COL14A1: variants seen among roughly 807,000 people sequenced by gnomAD.
The protein encoded by COL14A1 is collagen alpha-1(XIV) chain.
In COL14A1, 136 loss-of-function variants were observed where a neutral mutation model predicts 230.3. The observed-to-expected ratio is 0.59, with a 90% confidence interval of 0.51 to 0.68. The LOEUF (loss-of-function observed/expected upper bound fraction) is 0.68, where lower values mean the gene tolerates loss of function less well. Ranked by LOEUF, COL14A1 falls within the 30% of genes least tolerant of loss-of-function variation. The pLI is 0.00. For missense variants in COL14A1, 1,976 were observed against 2,215.8 expected, an observed-to-expected ratio of 0.89 and a Z score of 2.17; for synonymous variants, 792 against 784.1, an observed-to-expected ratio of 1.01 and a Z score of -0.17.
In COL14A1 at chr8:120,367,237, CT is replaced by C. The variant is rs1459233395; in HGVS notation, c.5145del (p.Gly1716AspfsTer54). The C allele has an allele frequency of 1.9e-6, 3 of 1,610,122 alleles. No individual in the cohort carries two copies. The highest frequency in any genetic ancestry group is 1.1e-5 in the South Asian group (1 of 90,086). On this transcript the variant is annotated frameshift_variant, in exon 46 of 48. Transcript: ENST00000297848. LOFTEE classifies it high-confidence loss of function. ...GVGTQGPRGP[P>X]GPAGPSGESR... is the part of the protein sequence containing the mutation. ...GGAACCCAAGGTCCAAGAGGCCCCCCTGGACCAGCAGGTAAATCTTCCTTCC... is the reference window on the plus strand; with the variant it reads ...GGAACCCAAGGTCCAAGAGGCCCCCCGGACCAGCAGGTAAATCTTCCTTCC...
In COL14A1 at chr8:120,209,719, A is replaced by G. The variant is rs375357532; in HGVS notation, c.1322-37A>G. Reference sequence around the variant, plus strand: ...TTTCATTTTTCTCAAGGACACATATATAAGTGGCTCAACATTTAAAAAAAA... The same window carrying G: ...TTTCATTTTTCTCAAGGACACATATGTAAGTGGCTCAACATTTAAAAAAAA... On this transcript the variant is annotated intron_variant, in intron 11 of 47. Coordinates refer to ENST00000297848, the MANE Select transcript of COL14A1 (RefSeq NM_021110.4). 5.1e-6 allele frequency: 8 copies of G among 1,583,902 alleles called. 1 individual carries two copies. In the East Asian group the frequency reaches 6.8e-5, roughly 13 times the overall value.
chr8:120,165,987 C>G (rs527773235), intron 4 of COL14A1, among the ~76,000 whole-genome samples: 2 of 152,186 alleles, frequency 1.3e-5, no homozygotes, highest in East Asian at 3.9e-4. Context: ...TCCAGGAGGT[C>G]ACACTGTGAC....
At chr8:120,218,370 C>T (rs1817830826) in intron 14 of COL14A1, among the ~76,000 whole-genome samples, 2 of 149,980 alleles carry the variant, frequency 1.3e-5, no homozygotes, top group Admixed American at 6.7e-5. Context: ...AGTGCAGTGG[C>T]ATGATCTCAG....
intron 24 of COL14A1, among the ~76,000 whole-genome samples, chr8:120,263,264 A>G (rs1410416225): frequency 6.6e-6 from 1 of 152,206 alleles, no homozygotes; most frequent in Non-Finnish European, 1.5e-5. Context: ...ACGATAGTAA[A>G]GCAGTTGAGA....
chr8:120,279,189 C>G (rs551310121), intron 28 of COL14A1, among the ~76,000 whole-genome samples: 6 of 151,952 alleles, frequency 3.9e-5, no homozygotes, highest in African/African-American at 1.5e-4. Flanking sequence ...AAGACAAATA[C>G]CTAATGCATG....
At chr8:120,242,441 CATT>C (rs1252515598) in intron 19 of COL14A1, among the ~76,000 whole-genome samples, 1 of 152,138 alleles carries the variant, frequency 6.6e-6, no homozygotes, top group Non-Finnish European at 1.5e-5. Flanking sequence ...TGAAAGAAGA[CATT>C]ATTTAACATC....
chr8:120,152,489 A>T (rs1228468784), intron 2 of COL14A1, among the ~76,000 whole-genome samples: 1 of 151,484 alleles, frequency 6.6e-6, no homozygotes, highest in Admixed American at 6.6e-5. Context: ...AAAAAAAAAA[A>T]AAAAAGACAT....
chr8:120,222,725 T>A (rs1314696421), intron 14 of COL14A1, among the ~76,000 whole-genome samples: 1 of 152,162 alleles, frequency 6.6e-6, no homozygotes, highest in Admixed American at 6.6e-5. Context: ...AGAAACAGTT[T>A]TTTTGGTGCC....
chr8:120,261,477 A>T (rs1168698487), intron 23 of COL14A1, among the ~76,000 whole-genome samples: 1 of 152,208 alleles, frequency 6.6e-6, no homozygotes, highest in African/African-American at 2.4e-5. Flanking sequence ...CAGAACCTGG[A>T]TATAATAAAC....
intron 14 of COL14A1, among the ~76,000 whole-genome samples, chr8:120,219,531 T>TA (rs1817864292): frequency 6.6e-6 from 1 of 152,156 alleles, no homozygotes; most frequent in Non-Finnish European, 1.5e-5. Flanking sequence ...CCTGTGCCCT[T>TA]ACCTGGTGGA....
At chr8:120,235,837 A>G (rs1363933259) in intron 19 of COL14A1, among the ~76,000 whole-genome samples, 1 of 152,222 alleles carries the variant, frequency 6.6e-6, no homozygotes, top group Non-Finnish European at 1.5e-5. Context: ...CATTGGTTCC[A>G]AAGAACATAT....
chr8:120,349,943 C>T (rs956930085), intron 45 of COL14A1, among the ~76,000 whole-genome samples: 1 of 142,996 alleles, frequency 7.0e-6, no homozygotes, highest in Non-Finnish European at 1.5e-5. Flanking sequence ...GTCAGATTCA[C>T]CAAAGTTGAA....
At chr8:120,337,830 A>G (rs1822137135) in intron 42 of COL14A1, among the ~76,000 whole-genome samples, 1 of 152,218 alleles carries the variant, frequency 6.6e-6, no homozygotes, top group Non-Finnish European at 1.5e-5. Flanking sequence ...CTTTGTAAAA[A>G]TCAAAGGAAC....
chr8:120,371,727 A>G lies in COL14A1; in HGVS notation c.*496A>G. 1 of 397,862 alleles carries G rather than the reference A, an allele frequency of 2.5e-6. No individual in the cohort carries two copies. Among genetic ancestry groups the G allele is most frequent in the African/African-American group, 2.1e-5 (1 of 48,726 alleles). The allele number at this position is 397,862 out of a possible 1,614,324, so 24.6% of individuals were successfully genotyped here. ...GGAGAAACTACCTCTTGTTTAATTG[A>G]TCTGTCCAACTCTGAGATCACTTGG... On this transcript the variant is annotated 3_prime_UTR_variant, in exon 48 of 48. Transcript: ENST00000297848.
intron 45 of COL14A1, among the ~76,000 whole-genome samples, chr8:120,347,201 G>C (rs1433818088): frequency 6.6e-6 from 1 of 152,140 alleles, no homozygotes; most frequent in Non-Finnish European, 1.5e-5. Flanking sequence ...AAGTACACTT[G>C]AATGATTAGA....
intron 47 of COL14A1, 47 bp from the exon 48 acceptor site, chr8:120,371,105 A>C: frequency 6.8e-7 from 1 of 1,474,658 alleles, no homozygotes; most frequent in South Asian, 1.2e-5. Flanking sequence ...ATATCAATTT[A>C]TGATTCCTGG....
At chr8:120,176,325 C>A (rs936938245) in intron 5 of COL14A1, among the ~76,000 whole-genome samples, 4 of 152,118 alleles carry the variant, frequency 2.6e-5, no homozygotes, top group Admixed American at 6.5e-5. Context: ...CAGGGCTCAA[C>A]ACATGTGCTC....
At chr8:120,234,096 G>A (rs930238155) in intron 19 of COL14A1, among the ~76,000 whole-genome samples, 9 of 127,982 alleles carry the variant, frequency 7.0e-5, no homozygotes, top group East Asian at 2.6e-4. Flanking sequence ...ATAGGAGTTC[G>A]CTCATGATTT....
rs750596931 is a variant in COL14A1, at chr8:120,243,940, A to G, written c.2411A>G (p.Tyr804Cys). The G allele has an allele frequency of 6.2e-7, 1 of 1,613,806 alleles. No homozygotes were observed. Among genetic ancestry groups the G allele is most frequent in the Non-Finnish European group, 8.5e-7 (1 of 1,179,790 alleles). ...LLKPLLPDTE[Y>C]KVTVTPIYTD... ...AAGCCTCTGCTTCCTGATACTGAAT[A>G]CAAAGTCACAGTGACTCCCATCTAC... Residue 804 changes from tyrosine to cysteine, a missense_variant, in exon 20 of 48, where the codon TAC becomes TGC. Physicochemically the swap from Tyr to Cys is radical, Grantham distance 194 (BLOSUM62 -2). Around this residue, in one of 3 missense-constraint regions of COL14A1, gnomAD observed 1,791 missense variants for 2,019.5 expected, o/e 0.89. Coordinates refer to ENST00000297848, the MANE Select transcript of COL14A1 (RefSeq NM_021110.4).
Sources: gnomAD v4.1 joint callset for allele counts (sites outside exome capture counted in the v4.1 genomes callset) on GRCh38, gnomAD v4.1.1 for gene constraint, gnomAD v4.1.1 regional missense constraint, MANE v1.5 for transcripts, NCBI Gene and HGNC (gene_info 2026-07-23, HGNC 2026-07-21) for gene names.